CERS6: variants seen among roughly 807,000 people sequenced by gnomAD.
The protein encoded by CERS6 is ceramide synthase 6, also known as LAG1 homolog, ceramide synthase 6.
CERS6 carries 26 observed loss-of-function variants against 56.8 expected under a neutral mutation model. The observed-to-expected ratio is 0.46, with a 90% CI of 0.34 to 0.63. The LOEUF is 0.63. Ranked by LOEUF, CERS6 falls within the 30% of genes least tolerant of loss-of-function variation. The pLI is 0.01. For missense variants in CERS6, 415 were observed against 467.5 expected (o/e 0.89, Z 1.04); for synonymous variants, 164 against 173.3 (o/e 0.95, Z 0.42).
At chr2:168,677,765 G>A (rs1422036165) in intron 4 of CERS6, among the ~76,000 whole-genome samples, 1 of 152,120 alleles carries the variant, frequency 6.6e-6, no homozygotes, top group Non-Finnish European at 1.5e-5. Context: ...CCAAAGTGCT[G>A]AGATTACAGG....
intron 8 of CERS6, among the ~76,000 whole-genome samples, chr2:168,751,323 T>C (rs1163708191): frequency 6.6e-6 from 1 of 152,146 alleles, no homozygotes; most frequent in Non-Finnish European, 1.5e-5. Flanking sequence ...ATGACCCAGA[T>C]ATGATACCAG....
At chr2:168,638,463 C>T (rs1684912694) in intron 4 of CERS6, among the ~76,000 whole-genome samples, 1 of 151,492 alleles carries the variant, frequency 6.6e-6, no homozygotes, top group Admixed American at 6.6e-5. Context: ...AAACACATTA[C>T]CCCCAAAACA....
chr2:168,722,634 C>A (rs1683215916), intron 8 of CERS6, among the ~76,000 whole-genome samples: 1 of 152,216 alleles, frequency 6.6e-6, no homozygotes, highest in Non-Finnish European at 1.5e-5. Flanking sequence ...GGCTTTCATT[C>A]ATTTCCACCT....
intron 8 of CERS6, among the ~76,000 whole-genome samples, chr2:168,735,923 C>T (rs1683703503): frequency 6.7e-6 from 1 of 149,652 alleles, no homozygotes; most frequent in South Asian, 2.1e-4. Context: ...TTTTTCTAGG[C>T]AGCTGAGTGG....
intron 8 of CERS6, among the ~76,000 whole-genome samples, chr2:168,737,029 C>T (rs759778547): frequency 1.3e-5 from 2 of 152,230 alleles, no homozygotes; most frequent in Non-Finnish European, 2.9e-5. Flanking sequence ...TGTACCATCT[C>T]TTTCTCTCCA....
In CERS6 at chr2:168,774,795, A is replaced by G. The variant is rs1230390422; in HGVS notation, c.*5133A>G. 6.6e-6 allele frequency: 1 copy of G among 152,160 alleles called. No individual in the cohort carries two copies. The highest frequency in any genetic ancestry group is 2.4e-5 in the African/African-American group (1 of 41,432). 9.4% of individuals were successfully genotyped at this position (152,160 alleles called of 1,614,324 possible). On this transcript the variant is annotated 3_prime_UTR_variant, in exon 10 of 10. Coordinates refer to ENST00000305747, the MANE Select transcript of CERS6 (RefSeq NM_203463.3). ...AGCCCCTAAGCTCATGATTTTCATC[A>G]ACTCTTTGCCCACATAGTCATTTAC...
chr2:168,720,429 C>T (rs553232586), intron 8 of CERS6, among the ~76,000 whole-genome samples: 2 of 152,286 alleles, frequency 1.3e-5, no homozygotes, highest in African/African-American at 4.8e-5. Flanking sequence ...AAAAGAACAA[C>T]TATCACAGTA....
chr2:168,729,764 T>C (rs1457845487), intron 8 of CERS6, among the ~76,000 whole-genome samples: 1 of 152,246 alleles, frequency 6.6e-6, no homozygotes, highest in Non-Finnish European at 1.5e-5. Flanking sequence ...CTATGTCTTA[T>C]CATATATTAT....
At chr2:168,701,633 G>A (rs1686806295) in intron 6 of CERS6, among the ~76,000 whole-genome samples, 1 of 152,068 alleles carries the variant, frequency 6.6e-6, no homozygotes, top group South Asian at 2.1e-4. Flanking sequence ...CAGTATCCAT[G>A]GGGAATTGGT....
chr2:168,688,394 C>T (rs1333029458), intron 4 of CERS6, among the ~76,000 whole-genome samples: 6 of 142,880 alleles, frequency 4.2e-5, no homozygotes, highest in South Asian at 2.3e-4. Context: ...TCCAGCCTGG[C>T]GACAAAGTGA....
intron 3 of CERS6, among the ~76,000 whole-genome samples, chr2:168,613,261 T>C (rs1290374068): frequency 6.6e-6 from 1 of 152,168 alleles, no homozygotes; most frequent in African/African-American, 2.4e-5. Context: ...GGTGTCCAAA[T>C]GACATTGGGT....
chr2:168,634,134 AG>A (rs1032277357), intron 4 of CERS6, among the ~76,000 whole-genome samples: 26 of 152,358 alleles, frequency 1.7e-4, no homozygotes, highest in Admixed American at 9.1e-4. Flanking sequence ...CAGACATGTT[AG>A]TGAACTATTC....
intron 5 of CERS6, among the ~76,000 whole-genome samples, chr2:168,691,352 G>A (rs906540930): frequency 6.6e-6 from 1 of 152,176 alleles, no homozygotes; most frequent in Non-Finnish European, 1.5e-5. Flanking sequence ...AGTTCAACTG[G>A]TGGAAATTCC....
At chr2:168,668,093 G>A (rs60966395) in intron 4 of CERS6, among the ~76,000 whole-genome samples, 7,276 of 152,194 alleles carry the variant, frequency 0.048, 437 homozygotes, top group African/African-American at 0.14. Context: ...TGAGTAATTG[G>A]TGTGGAATCA....
chr2:168,723,196 TG>T (rs1211768526), intron 8 of CERS6, among the ~76,000 whole-genome samples: 1 of 152,158 alleles, frequency 6.6e-6, no homozygotes, highest in Non-Finnish European at 1.5e-5. Context: ...AGACTTTTGT[TG>T]TCAAATAATT....
At chr2:168,747,852 C>CACAT (rs369664975) in intron 8 of CERS6, among the ~76,000 whole-genome samples, 6,295 of 151,924 alleles carry the variant, frequency 0.041, 168 homozygotes, top group African/African-American at 0.073. Context: ...CACACACACA[C>CACAT]ACACGCATTT....
intron 6 of CERS6, among the ~76,000 whole-genome samples, chr2:168,699,903 T>C (rs1167771656): frequency 6.6e-6 from 1 of 152,242 alleles, no homozygotes; most frequent in Non-Finnish European, 1.5e-5. Context: ...CTAATAAATA[T>C]TTTTGCGTTG....
chr2:168,703,587 T>C (rs1331365283), intron 6 of CERS6, among the ~76,000 whole-genome samples: 1 of 151,902 alleles, frequency 6.6e-6, no homozygotes, highest in Non-Finnish European at 1.5e-5. Flanking sequence ...AAAAAGTGAC[T>C]CCCAGGTAGT....
At chr2:168,593,194 G>A (rs994422668) in intron 3 of CERS6, among the ~76,000 whole-genome samples, 1 of 152,162 alleles carries the variant, frequency 6.6e-6, no homozygotes, top group East Asian at 1.9e-4. Context: ...CGAAACATCG[G>A]GATAATATCA....
Sources: allele counts gnomAD v4.1 joint callset (sites outside exome capture counted in the v4.1 genomes callset), GRCh38; gene constraint gnomAD v4.1.1; transcripts MANE v1.5; gene names NCBI Gene and HGNC (gene_info 2026-07-23, HGNC 2026-07-21).